Variants in EP400 observed in about 807,000 individuals in gnomAD.
EP400 encodes the protein E1A binding protein p400, also known as E1A-binding protein p400.
Under a neutral mutation model 354.1 loss-of-function variants are expected in EP400, and 105 were observed. The observed-to-expected ratio is 0.30, with a 90% CI of 0.25 to 0.35. The LOEUF (loss-of-function observed/expected upper bound fraction) is 0.35. Among genes scored for constraint, EP400 ranks in the 10% least tolerant of loss-of-function variants. The pLI is 1.00. For synonymous variants in EP400, 1,646 were observed against 1,716.9 expected (o/e 0.96, Z 1.02); for missense variants, 3,280 against 4,121.0 (o/e 0.80, Z 5.59).
At chr12:131,987,675 AC>A in intron 6 of EP400, 29 bp from the exon 7 acceptor site, 1 of 1,534,212 alleles carries the variant, frequency 6.5e-7, no homozygotes, top group East Asian at 2.4e-5. Flanking sequence ...TCACATGCCG[AC>A]CCCACCATCC....
chr12:132,002,464 T>C (rs1007705683), intron 12 of EP400, among the ~76,000 whole-genome samples: 4 of 152,008 alleles, frequency 2.6e-5, no homozygotes, highest in Non-Finnish European at 4.4e-5. Flanking sequence ...CTGTATACTC[T>C]GTGGGGCAGA....
chr12:132,044,342 G>T, intron 35 of EP400, 31 bp downstream of exon 35: 1 of 1,601,094 alleles, frequency 6.2e-7, no homozygotes, highest in Non-Finnish European at 8.5e-7. Flanking sequence ...CTGCCCTCTT[G>T]CCCCCCTGCT....
chr12:131,996,138 T>G (rs1181472972), intron 12 of EP400, among the ~76,000 whole-genome samples: 2 of 152,288 alleles, frequency 1.3e-5, no homozygotes, highest in African/African-American at 2.4e-5. Context: ...CTCTTTTTTG[T>G]GCTGTTGGTG....
At chr12:132,064,512 T>G (rs1895822714) in intron 47 of EP400, among the ~76,000 whole-genome samples, 156 bp from the exon 48 acceptor site, 1 of 152,242 alleles carries the variant, frequency 6.6e-6, no homozygotes, top group South Asian at 2.1e-4. Flanking sequence ...TGGAAGATAC[T>G]GGGCAGCCCA....
rs1342959204 is a variant in EP400 at position 132,013,679 on chromosome 12, G to A, written c.3786+15G>A. ...GGTTACACAGGGTAGGTTGGGTTCT[G>A]CCATTTCAGTTAATTAATTAAACAT... On this transcript the variant is annotated intron_variant, in intron 18 of 52. Transcript: ENST00000389561. This position sits in a 1 kb window ranked among gnomAD's most constrained non-coding sequence, Gnocchi z 4.5. 6.9e-6 allele frequency: 11 copies of A among 1,604,750 alleles called. No individual in the cohort carries two copies. The highest frequency in any genetic ancestry group is 9.4e-6 in the Non-Finnish European group (11 of 1,174,360).
chr12:132,071,432 G>A (rs941485859), intron 51 of EP400, among the ~76,000 whole-genome samples: 2 of 152,048 alleles, frequency 1.3e-5, no homozygotes, highest in Admixed American at 6.5e-5. Context: ...AGAGGCTTCC[G>A]GCTCAGGAAG....
intron 52 of EP400, 91 bp downstream of exon 52, chr12:132,076,684 T>G (rs765818503): frequency 3.3e-5 from 38 of 1,147,854 alleles, no homozygotes; most frequent in Non-Finnish European, 4.2e-5. Context: ...GAATCACTTT[T>G]GATTTTTGTG....
At chr12:131,996,875 C>A (rs1893233626) in intron 12 of EP400, among the ~76,000 whole-genome samples, 1 of 152,088 alleles carries the variant, frequency 6.6e-6, no homozygotes, top group Non-Finnish European at 1.5e-5. Flanking sequence ...AATTCTTGGT[C>A]AGTTCTGTGT....
At chr12:132,032,224 C>A in intron 30 of EP400, 75 bp downstream of exon 30, 1 of 1,468,352 alleles carries the variant, frequency 6.8e-7, no homozygotes, top group Non-Finnish European at 9.1e-7. Flanking sequence ...GCGGGGATGG[C>A]CGCGTGGAAA....
chr12:132,038,389 A>G lies in EP400; in HGVS notation c.6207+293A>G, dbSNP rs891202490. ...ACAGTCTCAGCTCCTTCCCCTCCCC[A>G]TGGAAATCTATCCCTGCCTCCTCTG... On this transcript the variant is annotated intron_variant, in intron 32 of 52. Transcript: ENST00000389561. The surrounding 1 kb of genome is among the most constrained non-coding windows in gnomAD (Gnocchi z 4.2). Among the ~76,000 whole-genome samples, 1 of 152,084 alleles carries G rather than the reference A, an allele frequency of 6.6e-6. No individual in the cohort carries two copies.
chr12:132,017,545 G>A lies in EP400; in HGVS notation c.3934G>A (p.Ala1312Thr). The A allele has an allele frequency of 6.2e-7, 1 of 1,614,038 alleles. No individual in the cohort carries two copies. Among genetic ancestry groups the A allele is most frequent in the Non-Finnish European group, 8.5e-7 (1 of 1,179,980 alleles). ...TTTCTCCACGGGCAGCACTCAGGAG[G>A]CCTTGAAGAGCGGGCACTTTGTCAA... is the stretch of plus-strand genomic sequence containing the variant. The part of the protein sequence containing the change: ...DVILQPGTQE[A>T]LKSGHFVNVL... The change falls in exon 20 of 53, where the codon GCC (alanine) becomes ACC (threonine). Residue 1312 changes from alanine (A) to threonine (T), a missense_variant. Physicochemically the swap from Ala to Thr is moderately conservative, Grantham distance 58. Around this residue, in one of 20 missense-constraint regions of EP400, gnomAD observed 242 missense variants for 357.9 expected, o/e 0.68. Coordinates refer to ENST00000389561, the MANE Select transcript of EP400 (RefSeq NM_015409.5). The surrounding 1 kb of genome is among the most constrained non-coding windows in gnomAD (Gnocchi z 5.0).
intron 21 of EP400, 56 bp from the exon 22 acceptor site, chr12:132,019,993 G>A: frequency 9.6e-6 from 14 of 1,451,322 alleles, no homozygotes; most frequent in Middle Eastern, 1.8e-4. Flanking sequence ...GAGGTGGCCT[G>A]TCCTCTCTGT....
intron 2 of EP400, among the ~76,000 whole-genome samples, chr12:131,966,076 T>A (rs1172911811): frequency 6.6e-6 from 1 of 151,486 alleles, no homozygotes; most frequent in Non-Finnish European, 1.5e-5. Context: ...ATCAGATTTC[T>A]GGGTATGTTG....
rs150629626 is a variant in EP400 at position 132,052,228 on chromosome 12, G to A, written c.7395-918G>A. Among the ~76,000 whole-genome samples, 2,468 of 152,064 alleles carry A rather than the reference G, an allele frequency of 0.016. 152 individuals carry two copies. Among genetic ancestry groups the A allele is most frequent in the Admixed American group, 0.11 (1,723 of 15,288 alleles). ...GCTCGTGTCCTTGGTCTCTTGCCTC[G>A]GCACCTGAGTGGCTTGCCGCCCACA... On this transcript the variant is annotated intron_variant, in intron 41 of 52. Coordinates refer to ENST00000389561, the MANE Select transcript of EP400 (RefSeq NM_015409.5). This position sits in a 1 kb window ranked among gnomAD's most constrained non-coding sequence, Gnocchi z 4.4.
Position 131,960,980 on chromosome 12 carries a change from A to G in EP400, c.361A>G (p.Ile121Val), listed in dbSNP as rs374473357. 179 of 1,608,466 alleles carry G rather than the reference A, an allele frequency of 1.1e-4. No homozygotes were observed. Among genetic ancestry groups the G allele is most frequent in the Non-Finnish European group, 1.4e-4 (164 of 1,178,094 alleles). Residue 121 changes from isoleucine to valine, a missense_variant, in exon 2 of 53, where the codon ATT becomes GTT. Ile to Val is a conservative substitution (Grantham distance 29). This residue lies in a region of EP400 where 172 missense variants were observed against 242.9 expected (regional missense o/e 0.71). Coordinates refer to ENST00000389561, the MANE Select transcript of EP400 (RefSeq NM_015409.5). ...RRFEHGSPSYIQVTSPLSQQV... is the reference protein window; with the variant it reads ...RRFEHGSPSYVQVTSPLSQQV... The stretch of plus-strand genomic sequence containing the variant: ...GTTTGAGCATGGGTCTCCATCATAC[A>G]TTCAGGTCACGTCCCCCTTGTCCCA...
In EP400 at chr12:131,967,148, A is replaced by AG. The variant is rs553276034; in HGVS notation, c.1335+5200dup. On this transcript the variant is annotated intron_variant, in intron 2 of 52. Coordinates refer to ENST00000389561, the MANE Select transcript of EP400 (RefSeq NM_015409.5). ...TAATTCCAGCACTTTGGGAGGCCGA[A>AG]GGGGGGCGGATCACTTGAGGTCAGG... Among the ~76,000 whole-genome samples the AG allele has an allele frequency of 1.1e-3, 158 of 148,144 alleles. 1 individual carries two copies. Among genetic ancestry groups the AG allele is most frequent in the East Asian group, 7.8e-3 (38 of 4,900 alleles).
chr12:131,986,936 C>CA (rs1892873957), intron 6 of EP400, 129 bp downstream of exon 6: 1 of 1,166,668 alleles, frequency 8.6e-7, no homozygotes, highest in African/African-American at 1.5e-5. Context: ...AATCAGTAGA[C>CA]ACAAGATGAA....
chr12:132,027,312 C>T lies in EP400; in HGVS notation c.5015-125C>T. 2 of 896,954 alleles carry T rather than the reference C, an allele frequency of 2.2e-6. No homozygotes were observed. The highest frequency in any genetic ancestry group is 3.6e-6 in the Non-Finnish European group (2 of 554,972). The allele number at this position is 896,954 out of a possible 1,614,324, so 55.6% of individuals were successfully genotyped here. On this transcript the variant is annotated intron_variant, in intron 25 of 52. Transcript: ENST00000389561. The surrounding 1 kb of genome is among the most constrained non-coding windows in gnomAD (Gnocchi z 4.9). ...TGGAGGATGAGGACTTGGGGACATG[C>T]CGTTGCAGAATGACTTTCTGTGGAG...
chr12:131,985,103 A>G (rs12423620), intron 5 of EP400, among the ~76,000 whole-genome samples: 2 of 151,474 alleles, frequency 1.3e-5, no homozygotes, highest in African/African-American at 4.9e-5. Flanking sequence ...TAATCCACCC[A>G]CCTTGGGCTC....
Sources: allele counts gnomAD v4.1 joint callset (sites outside exome capture counted in the v4.1 genomes callset), GRCh38; gene constraint gnomAD v4.1.1; regional missense constraint gnomAD v4.1.1; non-coding constraint Gnocchi (gnomAD v3.1); transcripts MANE v1.5; gene names NCBI Gene and HGNC (gene_info 2026-07-23, HGNC 2026-07-21).